Variants in SNX29 observed in about 807,000 individuals in gnomAD.
The protein encoded by SNX29 is sorting nexin 29.
In SNX29, 78 loss-of-function variants were observed where a neutral mutation model predicts 102.1. The ratio of observed to expected loss-of-function variants is 0.76; its 90% CI spans 0.64 to 0.92. SNX29 has a LOEUF of 0.92. SNX29 is among the 40% of genes least tolerant of loss of function. The pLI is 0.00. For missense variants in SNX29, 1,280 were observed against 1,061.7 expected, an observed-to-expected ratio of 1.21 and a Z score of -2.86; for synonymous variants, 580 against 414.5, an observed-to-expected ratio of 1.40 and a Z score of -4.85.
At chr16:12,044,844 G>A (rs2050024513) in intron 5 of SNX29, among the ~76,000 whole-genome samples, 1 of 152,136 alleles carries the variant, frequency 6.6e-6, no homozygotes, top group East Asian at 1.9e-4. Flanking sequence ...GCCTCCCGAC[G>A]TGCTGGGATT....
At chr16:12,564,516 T>G (rs745947304) in intron 20 of SNX29, among the ~76,000 whole-genome samples, 12 of 152,200 alleles carry the variant, frequency 7.9e-5, no homozygotes, top group Non-Finnish European at 1.8e-4. Flanking sequence ...GAACTCAAGT[T>G]TTCTGACTCT....
At chr16:12,545,058 G>A (rs2077525618) in intron 20 of SNX29, among the ~76,000 whole-genome samples, 1 of 152,168 alleles carries the variant, frequency 6.6e-6, no homozygotes. Context: ...TGCTCCTGTA[G>A]CATAGCCACG....
At chr16:12,088,200 G>C in intron 11 of SNX29, 1 of 443,632 alleles carries the variant, frequency 2.3e-6, no homozygotes, top group East Asian at 7.0e-5. Context: ...AGAGAGACAG[G>C]AGAGGCAGGA....
At chr16:12,548,493 G>C (rs67635827) in intron 20 of SNX29, among the ~76,000 whole-genome samples, 10,511 of 152,262 alleles carry the variant, frequency 0.069, 533 homozygotes, top group East Asian at 0.24. Context: ...TGACTAGTCA[G>C]GGTTGTCTTG....
At chr16:12,463,477 A>G (rs1364207295) in intron 18 of SNX29, among the ~76,000 whole-genome samples, 2 of 152,186 alleles carry the variant, frequency 1.3e-5, no homozygotes, top group South Asian at 2.1e-4. Flanking sequence ...AAGCTTGTGC[A>G]GAGAAACTCT....
intron 20 of SNX29, among the ~76,000 whole-genome samples, chr16:12,562,497 C>T (rs1213204357): frequency 2.0e-5 from 3 of 152,198 alleles, no homozygotes; most frequent in South Asian, 2.1e-4. Context: ...AAAGGAGCAT[C>T]GTGAGCAGCC....
intron 15 of SNX29, among the ~76,000 whole-genome samples, chr16:12,318,313 C>T (rs1433685654): frequency 6.6e-6 from 1 of 152,224 alleles, no homozygotes; most frequent in African/African-American, 2.4e-5. Flanking sequence ...GCCCAGAGGC[C>T]CCTTTGGCAT....
At chr16:12,534,812 A>G (rs2077027909) in intron 20 of SNX29, among the ~76,000 whole-genome samples, 1 of 152,158 alleles carries the variant, frequency 6.6e-6, no homozygotes, top group Non-Finnish European at 1.5e-5. Flanking sequence ...CTTACTCCCC[A>G]GTTCCAGGCA....
Position 12,573,622 on chromosome 16 carries a change from T to A in SNX29, c.*4993T>A. 1 of 221,752 alleles carries A rather than the reference T, an allele frequency of 4.5e-6. No individual in the cohort carries two copies. Among genetic ancestry groups the A allele is most frequent in the East Asian group, 6.6e-5 (1 of 15,212 alleles). The allele number at this position is 221,752 out of a possible 1,614,324, so 13.7% of individuals were successfully genotyped here. A position where few individuals can be genotyped will look rare whatever the true frequency, so the allele number is the denominator to read the frequency against. Reference sequence around the variant, plus strand: ...AATTTTCTCAGCTCTGCCGCTGGTCTCCATGAACGGCAAGGGGAACCACCA... The same window carrying A: ...AATTTTCTCAGCTCTGCCGCTGGTCACCATGAACGGCAAGGGGAACCACCA... On this transcript the variant is annotated 3_prime_UTR_variant, in exon 21 of 21. Transcript: ENST00000566228.
intron 11 of SNX29, among the ~76,000 whole-genome samples, chr16:12,123,419 A>G (rs770546364): frequency 2.6e-5 from 4 of 152,228 alleles, no homozygotes; most frequent in Non-Finnish European, 5.9e-5. Flanking sequence ...TATAAGAGGT[A>G]CATTTTGGCC....
chr16:12,075,572 T>C (rs1219595068), intron 10 of SNX29, among the ~76,000 whole-genome samples: 1 of 152,190 alleles, frequency 6.6e-6, no homozygotes, highest in East Asian at 1.9e-4. Context: ...AGTCTGCCCC[T>C]ACTGGGGGAT....
chr16:12,541,028 G>T (rs11865832), intron 20 of SNX29, among the ~76,000 whole-genome samples: 22,613 of 152,078 alleles, frequency 0.15, 1,859 homozygotes, highest in South Asian at 0.34. Context: ...GCAACAACTG[G>T]TCATCTCTGT....
chr16:12,215,409 A>G (rs2077296706), intron 14 of SNX29, among the ~76,000 whole-genome samples: 1 of 152,048 alleles, frequency 6.6e-6, no homozygotes, highest in African/African-American at 2.4e-5. Flanking sequence ...GATTGTTATC[A>G]TCAAGCGCTT....
In SNX29 at chr16:12,169,270, G is replaced by A. The variant is rs1322902121; in HGVS notation, c.1596-30331G>A. Among the ~76,000 whole-genome samples the A allele has an allele frequency of 3.9e-5, 6 of 152,224 alleles. No individual in the cohort carries two copies. The East Asian group carries it at 1.2e-3, about 29-fold the overall frequency. Reference sequence around the variant, plus strand: ...TGTCCGGGAGCCCCAGTTCTAGGGAGGGTGCCCTGTAGGCTCAAAGCGCAA... The same window carrying A: ...TGTCCGGGAGCCCCAGTTCTAGGGAAGGTGCCCTGTAGGCTCAAAGCGCAA... On this transcript the variant is annotated intron_variant, in intron 13 of 20. Coordinates refer to ENST00000566228, the MANE Select transcript of SNX29 (RefSeq NM_032167.5).
intron 18 of SNX29, among the ~76,000 whole-genome samples, chr16:12,419,205 C>G (rs1224872323): frequency 6.6e-6 from 1 of 152,162 alleles, no homozygotes; most frequent in Non-Finnish European, 1.5e-5. Flanking sequence ...ATGTGAGGAG[C>G]TGCATCTTGG....
At chr16:12,364,823 G>C (rs2151346698) in intron 16 of SNX29, among the ~76,000 whole-genome samples, 1 of 152,218 alleles carries the variant, frequency 6.6e-6, no homozygotes, top group Admixed American at 6.5e-5. Context: ...AAGACTTGCT[G>C]CCTGTGGAAC....
chr16:12,121,434 G>A (rs994119715), intron 11 of SNX29, among the ~76,000 whole-genome samples: 7 of 152,234 alleles, frequency 4.6e-5, no homozygotes, highest in African/African-American at 1.2e-4. Flanking sequence ...GTGGCCATGC[G>A]GTCACTGCAG....
chr16:12,262,426 A>C (rs941766723), intron 14 of SNX29, among the ~76,000 whole-genome samples: 1 of 152,178 alleles, frequency 6.6e-6, no homozygotes, highest in Non-Finnish European at 1.5e-5. Context: ...AGAGATACTT[A>C]AGCACATGCA....
At chr16:12,399,385 A>G (rs374785347) in intron 17 of SNX29, among the ~76,000 whole-genome samples, 39 of 152,158 alleles carry the variant, frequency 2.6e-4, no homozygotes, top group African/African-American at 8.9e-4. Flanking sequence ...GCTTTGGACA[A>G]ATAGATCCCT....
Sources: allele counts gnomAD v4.1 joint callset (sites outside exome capture counted in the v4.1 genomes callset), GRCh38; gene constraint gnomAD v4.1.1; transcripts MANE v1.5; gene names NCBI Gene and HGNC (gene_info 2026-07-23, HGNC 2026-07-21).